Variants in SNCB observed in about 807,000 individuals in gnomAD.
SNCB encodes the protein beta-synuclein.
Under a neutral mutation model 20.0 loss-of-function variants are expected in SNCB, and 8 were observed. The observed-to-expected ratio is 0.40, with a 90% CI of 0.24 to 0.72. The LOEUF (loss-of-function observed/expected upper bound fraction) is 0.72, where lower values mean the gene tolerates loss of function less well. Ranked by LOEUF, SNCB falls within the 30% of genes least tolerant of loss-of-function variation. The probability of loss-of-function intolerance (pLI) is 0.37; values close to 1 mark genes in which losing one functional copy is unlikely to be tolerated. For synonymous variants in SNCB, 56 were observed against 65.4 expected, an observed-to-expected ratio of 0.86 and a Z score of 0.69; for missense variants, 125 against 168.0, an observed-to-expected ratio of 0.74 and a Z score of 1.41.
At position 176,620,541 on chromosome 5, in the gene SNCB, GCGCAGA is replaced by G; in HGVS notation, c.*264_*269del. On this transcript the variant is annotated 3_prime_UTR_variant, in exon 6 of 6. Coordinates refer to ENST00000393693, the MANE Select transcript of SNCB (RefSeq NM_003085.5). The surrounding 1 kb of genome is among the most constrained non-coding windows in gnomAD (Gnocchi z 4.5). ...AAAACACATAGAACATGCTACATCC[GCGCAGA>G]CGCTGGATGGGAGGAGGCAACACTG... The G allele has an allele frequency of 1.7e-6, 1 of 582,034 alleles. No homozygotes were observed. 36.1% of individuals were successfully genotyped at this position (582,034 alleles called of 1,614,324 possible). A position where few individuals can be genotyped will look rare whatever the true frequency, so the allele number is the denominator to read the frequency against.
At chr5:176,627,161 T>C (rs1459745882) in intron 2 of SNCB, among the ~76,000 whole-genome samples, 1 of 152,230 alleles carries the variant, frequency 6.6e-6, no homozygotes, top group Admixed American at 6.5e-5. Flanking sequence ...GACATTCAAG[T>C]TCAGGCCTTT....
intron 4 of SNCB, among the ~76,000 whole-genome samples, chr5:176,625,682 G>T (rs1207386396): frequency 2.0e-5 from 3 of 152,090 alleles, no homozygotes; most frequent in Admixed American, 6.6e-5. Context: ...GGGCTCCCCT[G>T]GGGAAACACA....
chr5:176,621,329 G>A lies in SNCB; in HGVS notation c.283-26C>T, dbSNP rs749930115. ...CTGTGGGCAGAAAAGGTCAGGACTC[G>A]TGAGGACAGCCAGGATGCCCCCCAA... On this transcript the variant is annotated intron_variant, in intron 4 of 5. Transcript: ENST00000393693. The surrounding 1 kb of genome is among the most constrained non-coding windows in gnomAD (Gnocchi z 4.1). 1.8e-5 allele frequency: 28 copies of A among 1,592,178 alleles called. No individual in the cohort carries two copies. Among genetic ancestry groups the A allele is most frequent in the Admixed American group, 6.9e-5 (4 of 58,092 alleles).
At chr5:176,625,095 A>G (rs1759861712) in intron 4 of SNCB, among the ~76,000 whole-genome samples, 1 of 152,242 alleles carries the variant, frequency 6.6e-6, no homozygotes, top group Non-Finnish European at 1.5e-5. Flanking sequence ...ATTCACAGCG[A>G]ATGCCTGCAC....
At chr5:176,628,816 C>T (rs972473004) in intron 2 of SNCB, among the ~76,000 whole-genome samples, 4 of 152,206 alleles carry the variant, frequency 2.6e-5, no homozygotes, top group African/African-American at 2.4e-5. Flanking sequence ...TAAGTGGACA[C>T]AAAATATTTT....
intron 2 of SNCB, among the ~76,000 whole-genome samples, chr5:176,628,466 C>T (rs1440447769): frequency 1.3e-5 from 2 of 152,210 alleles, no homozygotes; most frequent in Non-Finnish European, 2.9e-5. Context: ...AAACTAATCA[C>T]ATCATGGCAG....
intron 4 of SNCB, among the ~76,000 whole-genome samples, chr5:176,624,811 AAAAAAAC>A (rs1225526788): frequency 2.0e-5 from 3 of 151,190 alleles, no homozygotes; most frequent in Non-Finnish European, 4.4e-5. Context: ...TCAAAAAAAA[AAAAAAAC>A]AAAAAAAAAC....
Position 176,629,630 on chromosome 5 carries a change from A to G in SNCB, c.25T>C (p.Ser9Pro). 6.2e-7 allele frequency: 1 copy of G among 1,613,706 alleles called. No homozygotes were observed. The highest frequency in any genetic ancestry group is 8.5e-7 in the Non-Finnish European group (1 of 1,179,856). The change falls in exon 2 of 6, where the codon TCC becomes CCC. Residue 9 changes from serine to proline, a missense_variant. Transcript: ENST00000393693. This position sits in a 1 kb window ranked among gnomAD's most constrained non-coding sequence, Gnocchi z 4.1. ...GCCACAACGCCCTCCTTGGCCATGG[A>G]CAGGCCCTTCATGAACACGTCCATC... Reference protein sequence around the residue: MDVFMKGLSMAKEGVVAAA... With the variant: MDVFMKGLPMAKEGVVAAA...
intron 4 of SNCB, among the ~76,000 whole-genome samples, chr5:176,625,311 G>A (rs1051531782): frequency 3.3e-5 from 5 of 152,174 alleles, no homozygotes; most frequent in African/African-American, 1.2e-4. Context: ...TGTTAGAAAT[G>A]CAAATCCTCC....
chr5:176,624,308 C>A lies in SNCB; in HGVS notation c.282+2090G>T, dbSNP rs151332611. On this transcript the variant is annotated intron_variant, in intron 4 of 5. Transcript: ENST00000393693. ...CCTCCTGACCACCTTATAAGGGAGG[C>A]AGGCAGGAAATGGGGTCTTGGGCAA... Among the ~76,000 whole-genome samples, 978 of 152,352 alleles carry A rather than the reference C, an allele frequency of 6.4e-3. 4 individuals carry two copies. The highest frequency in any genetic ancestry group is 0.011 in the Non-Finnish European group (751 of 68,036).
chr5:176,625,444 T>C (rs1025139067), intron 4 of SNCB, among the ~76,000 whole-genome samples: 2 of 152,236 alleles, frequency 1.3e-5, no homozygotes, highest in African/African-American at 4.8e-5. Flanking sequence ...TTATCTCCAA[T>C]CTGCATGAGA....
rs1303453854 is a variant in SNCB at position 176,626,542 on chromosome 5, G to C, written c.164-26C>G. 6.3e-7 allele frequency: 1 copy of C among 1,588,660 alleles called. No individual in the cohort carries two copies. Among genetic ancestry groups the C allele is most frequent in the Middle Eastern group, 1.7e-4 (1 of 6,040 alleles). On this transcript the variant is annotated intron_variant, in intron 3 of 5. Transcript: ENST00000393693. This position sits in a 1 kb window ranked among gnomAD's most constrained non-coding sequence, Gnocchi z 4.2. ...CTGGAGCAGGGAGGGGGTTGAGGAA[G>C]GGGTTTGGGAGCCAGGGGGAAACAC... is the stretch of plus-strand genomic sequence containing the variant.
intron 2 of SNCB, among the ~76,000 whole-genome samples, chr5:176,627,661 G>C (rs866614305): frequency 1.3e-5 from 2 of 152,202 alleles, no homozygotes; most frequent in African/African-American, 4.8e-5. Flanking sequence ...AGCCCGGCGG[G>C]GGGGTGGGGG....
chr5:176,629,581 C>T lies in SNCB; in HGVS notation c.74G>A (p.Gly25Glu), dbSNP rs1379627694. The part of the protein sequence containing the change: ...VVAAAEKTKQ[G>E]VTEAAEKTKE... ...GGTCTTCTCCGCCGCCTCGGTGACC[C>T]CCTGCTTGGTTTTCTCCGCGGCTGC... The change falls in exon 2 of 6, where the codon GGG becomes GAG. Residue 25 changes from glycine (G) to glutamate (E), a missense_variant. By Grantham distance (98) the Gly-to-Glu change is moderately conservative. Coordinates refer to ENST00000393693, the MANE Select transcript of SNCB (RefSeq NM_003085.5). This position sits in a 1 kb window ranked among gnomAD's most constrained non-coding sequence, Gnocchi z 4.1. The T allele has an allele frequency of 2.5e-6, 4 of 1,613,686 alleles. No individual in the cohort carries two copies. Among genetic ancestry groups the T allele is most frequent in the East Asian group, 2.2e-5 (1 of 44,852 alleles).
At chr5:176,622,522 C>T (rs1759665716) in intron 4 of SNCB, among the ~76,000 whole-genome samples, 1 of 151,976 alleles carries the variant, frequency 6.6e-6, no homozygotes, top group Non-Finnish European at 1.5e-5. Context: ...CAAAACAAAA[C>T]AAGCCAGCTT....
At position 176,621,235 on chromosome 5, in the gene SNCB, C is replaced by CT; in HGVS notation, c.350dup (p.Ser118GlufsTer3). 1 of 1,613,646 alleles carries CT rather than the reference C, an allele frequency of 6.2e-7. No individual in the cohort carries two copies. Among genetic ancestry groups the CT allele is most frequent in the Non-Finnish European group, 8.5e-7 (1 of 1,179,852 alleles). The stretch of plus-strand genomic sequence containing the variant: ...TCACCTGGGGTGGGTCCTCATAACT[C>CT]TCCCCTTCTGGCTCCATCAGGGGCT... On this transcript the variant is annotated frameshift_variant, in exon 5 of 6. Transcript: ENST00000393693. LOFTEE classifies it high-confidence loss of function. This position sits in a 1 kb window ranked among gnomAD's most constrained non-coding sequence, Gnocchi z 4.1.
rs1216576255 is a variant in SNCB at position 176,629,300 on chromosome 5, C to T, written c.121+234G>A. ...TCTGCTTTCATCACTGCACTGGTCC[C>T]TGGCCTTTCAGCTGGAGCCCCCCAC... On this transcript the variant is annotated intron_variant, in intron 2 of 5. Coordinates refer to ENST00000393693, the MANE Select transcript of SNCB (RefSeq NM_003085.5). The surrounding 1 kb of genome is among the most constrained non-coding windows in gnomAD (Gnocchi z 4.1). 12 of 579,036 alleles carry T rather than the reference C, an allele frequency of 2.1e-5. No individual in the cohort carries two copies. Among genetic ancestry groups the T allele is most frequent in the Non-Finnish European group, 3.4e-5 (11 of 323,572 alleles). 35.9% of individuals were successfully genotyped at this position (579,036 alleles called of 1,614,324 possible).
In SNCB at chr5:176,626,899, C is replaced by T. The variant is rs1759996074; in HGVS notation, c.122-138G>A. 1.2e-6 allele frequency: 1 copy of T among 841,994 alleles called. No homozygotes were observed. The highest frequency in any genetic ancestry group is 2.0e-6 in the Non-Finnish European group (1 of 497,030). The allele number at this position is 841,994 out of a possible 1,614,324, so 52.2% of individuals were successfully genotyped here. ...GTCCCCACATCCTACAACCTGCACC[C>T]CCATGTTAACCCCCGTCTTATCACT... On this transcript the variant is annotated intron_variant, in intron 2 of 5. Coordinates refer to ENST00000393693, the MANE Select transcript of SNCB (RefSeq NM_003085.5). This position sits in a 1 kb window ranked among gnomAD's most constrained non-coding sequence, Gnocchi z 4.2.
rs1760263122 is a variant in SNCB, at chr5:176,629,949, G to T, written c.-9-286C>A. On this transcript the variant is annotated intron_variant, in intron 1 of 5. Coordinates refer to ENST00000393693, the MANE Select transcript of SNCB (RefSeq NM_003085.5). This position sits in a 1 kb window ranked among gnomAD's most constrained non-coding sequence, Gnocchi z 4.1. ...CGAACCGGAGTGCTGGGTTCGGCGC[G>T]AATATCCAGGACCCGCCTGTACACG... The T allele has an allele frequency of 5.3e-6, 2 of 377,038 alleles. No homozygotes were observed. The highest frequency in any genetic ancestry group is 4.1e-5 in the African/African-American group (2 of 48,470). The allele number at this position is 377,038 out of a possible 1,614,324, so 23.4% of individuals were successfully genotyped here. A position where few individuals can be genotyped will look rare whatever the true frequency, so the allele number is the denominator to read the frequency against.
Sources: gnomAD v4.1 joint callset for allele counts (sites outside exome capture counted in the v4.1 genomes callset) on GRCh38, gnomAD v4.1.1 for gene constraint, Gnocchi (gnomAD v3.1) non-coding constraint, MANE v1.5 for transcripts, NCBI Gene and HGNC (gene_info 2026-07-23, HGNC 2026-07-21) for gene names.